The following ARAP2 variants were observed in gnomAD, a reference collection of about 807,000 sequenced individuals.
The protein encoded by ARAP2 is arf-GAP with Rho-GAP domain, ANK repeat and PH domain-containing protein 2.
ARAP2 carries 148 observed loss-of-function variants against 194.5 expected under a neutral mutation model. The ratio of observed to expected loss-of-function variants is 0.76; its 90% CI spans 0.67 to 0.87. The LOEUF is 0.87. Ranked by LOEUF, ARAP2 falls within the 40% of genes least tolerant of loss-of-function variation. The probability of loss-of-function intolerance (pLI) is 0.00; values close to 1 mark genes in which losing one functional copy is unlikely to be tolerated. For missense variants in ARAP2, 2,128 were observed against 1,989.7 expected (o/e 1.07, Z -1.32); for synonymous variants, 695 against 683.5 (o/e 1.02, Z -0.26).
intron 19 of ARAP2, among the ~76,000 whole-genome samples, chr4:36,143,454 C>T (rs1728846043): frequency 6.6e-6 from 1 of 151,518 alleles, no homozygotes; most frequent in African/African-American, 2.4e-5. Context: ...TAATACTGAA[C>T]ACTTGATTTT....
intron 9 of ARAP2, 67 bp from the exon 10 acceptor site, chr4:36,167,114 A>G: frequency 1.5e-5 from 14 of 957,450 alleles, no homozygotes; most frequent in Non-Finnish European, 2.1e-5. Flanking sequence ...GTATAATTAC[A>G]TTTTCTAAAT....
chr4:36,023,549 T>C (rs1577568388), intron 5 of ARAP2, among the ~76,000 whole-genome samples: 1 of 152,080 alleles, frequency 6.6e-6, no homozygotes, highest in East Asian at 1.9e-4. Context: ...TTTCAATCCA[T>C]GTGAGATTAG....
At chr4:36,225,926 G>A (rs148760399) in intron 2 of ARAP2, among the ~76,000 whole-genome samples, 12 of 152,052 alleles carry the variant, frequency 7.9e-5, no homozygotes, top group East Asian at 1.9e-4. Flanking sequence ...AGAAACTCAC[G>A]TTACATAACC....
chr4:36,087,657 A>C (rs1712261205), intron 28 of ARAP2, among the ~76,000 whole-genome samples: 1 of 152,148 alleles, frequency 6.6e-6, no homozygotes. Flanking sequence ...TCCCTGTGGC[A>C]GATATTAAAG....
In ARAP2 at chr4:36,059,659, C is replaced by G. The variant is rs76372253; in HGVS notation, n.148-1516G>C. On this transcript the variant is annotated intron_variant and non_coding_transcript_variant, in intron 1 of 12. Transcript: ENST00000503225. The stretch of plus-strand genomic sequence containing the variant: ...CAAAGTTACAAGACTTGATGTATTC[C>G]TCTAGGACTTAGGCTACCCAGTAAA... Among the ~76,000 whole-genome samples, 438 of 152,266 alleles carry G rather than the reference C, an allele frequency of 2.9e-3. 1 individual carries two copies. Among genetic ancestry groups the G allele is most frequent in the African/African-American group, 0.01 (423 of 41,548 alleles).
chr4:36,057,950 A>G (rs1377026554), intron 2 of ARAP2: 1 of 149,794 alleles, frequency 6.7e-6, no homozygotes, highest in African/African-American at 2.4e-5. Flanking sequence ...AAAAATAGAG[A>G]AGTTCCATAG....
intron 25 of ARAP2, among the ~76,000 whole-genome samples, chr4:36,116,007 T>G (rs1721231269): frequency 6.6e-6 from 1 of 151,972 alleles, no homozygotes; most frequent in South Asian, 2.1e-4. Context: ...TTGAATACCT[T>G]CTCCAGCATT....
chr4:36,115,601 A>G (rs1044210770), intron 25 of ARAP2, among the ~76,000 whole-genome samples: 1 of 151,948 alleles, frequency 6.6e-6, no homozygotes, highest in African/African-American at 2.4e-5. Context: ...TACAGAATAT[A>G]CAGATCAGTA....
intron 26 of ARAP2, among the ~76,000 whole-genome samples, chr4:36,108,426 T>G (rs1217075329): frequency 2.6e-5 from 4 of 151,916 alleles, no homozygotes; most frequent in African/African-American, 9.7e-5. Flanking sequence ...CAATACAAAA[T>G]TATAAAATGT....
intron 9 of ARAP2, among the ~76,000 whole-genome samples, chr4:36,009,997 T>A (rs1714158995): frequency 6.6e-6 from 1 of 152,044 alleles, no homozygotes; most frequent in Admixed American, 6.6e-5. Context: ...AATTTTTTTG[T>A]TGCTAACATC....
chr4:36,026,426 T>C (rs1717916443), intron 5 of ARAP2, among the ~76,000 whole-genome samples: 1 of 152,220 alleles, frequency 6.6e-6, no homozygotes, highest in Non-Finnish European at 1.5e-5. Flanking sequence ...TGCTGGTTTT[T>C]TGTAGCTTCA....
At chr4:36,036,547 G>A (rs1385155774) in intron 5 of ARAP2, among the ~76,000 whole-genome samples, 1 of 152,002 alleles carries the variant, frequency 6.6e-6, no homozygotes, top group East Asian at 1.9e-4. Context: ...ATATAATTAT[G>A]TTAAAATGAA....
At chr4:36,054,392 T>C (rs1366208864) in intron 2 of ARAP2, among the ~76,000 whole-genome samples, 1 of 152,178 alleles carries the variant, frequency 6.6e-6, no homozygotes. Context: ...GATCAGATAA[T>C]TGGTAAGTAG....
intron 10 of ARAP2, chr4:36,006,690 G>A (rs760895511): frequency 5.3e-5 from 8 of 151,988 alleles, no homozygotes; most frequent in Admixed American, 1.3e-4. Flanking sequence ...AAAAAAATCT[G>A]CTCTATATGA....
At chr4:36,022,700 T>C (rs1051992298) in intron 5 of ARAP2, among the ~76,000 whole-genome samples, 4 of 152,028 alleles carry the variant, frequency 2.6e-5, no homozygotes, top group African/African-American at 9.7e-5. Flanking sequence ...GAAGTGGTGA[T>C]AGGAAAAGTA....
intron 26 of ARAP2, 106 bp downstream of exon 26, chr4:36,114,064 A>T: frequency 1.1e-6 from 1 of 875,910 alleles, no homozygotes. Flanking sequence ...AGGTAAAAAA[A>T]ATCATAACAA....
rs758615736 is a variant in ARAP2 at position 36,128,556 on chromosome 4, T to C, written c.3617A>G (p.Tyr1206Cys). ...IDDALLTKEL[Y>C]PYWISALDTQ... is the part of the protein sequence containing the mutation. ...ACCTAAAGCAGAGATCCAATATGGG[T>C]AGAGCTCCTTAGTAAGCAGTGCATC... Residue 1206 changes from tyrosine (Y) to cysteine (C), a missense_variant, in exon 21 of 33, where the codon TAC becomes TGC. Transcript: ENST00000303965. 1.2e-6 allele frequency: 2 copies of C among 1,611,300 alleles called. No homozygotes were observed. The highest frequency in any genetic ancestry group is 8.5e-7 in the Non-Finnish European group (1 of 1,178,992).
At chr4:36,163,868 C>A (rs1314512658) in intron 11 of ARAP2, among the ~76,000 whole-genome samples, 1 of 152,160 alleles carries the variant, frequency 6.6e-6, no homozygotes, top group Non-Finnish European at 1.5e-5. Context: ...GAAGGTGATT[C>A]ACTGGCATTT....
chr4:36,197,063 G>A (rs1051795362), intron 6 of ARAP2, among the ~76,000 whole-genome samples: 7 of 150,766 alleles, frequency 4.6e-5, no homozygotes, highest in Admixed American at 1.3e-4. Context: ...TTTTGGCTTC[G>A]TATACCACCC....
Sources: allele counts gnomAD v4.1 joint callset (sites outside exome capture counted in the v4.1 genomes callset), GRCh38; gene constraint gnomAD v4.1.1; transcripts MANE v1.5; gene names NCBI Gene and HGNC (gene_info 2026-07-23, HGNC 2026-07-21).